Variants in PRR23C observed in about 807,000 individuals in gnomAD.
PRR23C encodes proline rich 23C, also known as proline-rich protein 23C.
Under a neutral mutation model 0.1 loss-of-function variants are expected in PRR23C, and 1 was observed. The ratio of observed to expected loss-of-function variants is 6.80; its 90% CI spans 2.41 to 32.24. The LOEUF is 32.24. PRR23C is among the 30% of genes most tolerant of loss of function. The pLI, the probability that PRR23C is intolerant of heterozygous loss-of-function variation, is 0.11. For missense variants in PRR23C, 361 were observed against 370.4 expected (o/e 0.97, Z 0.21); for synonymous variants, 172 against 168.1 (o/e 1.02, Z -0.18).
Position 139,044,049 on chromosome 3 carries a change from T to C in PRR23C, c.572A>G (p.Glu191Gly), listed in dbSNP as rs748448340. The C allele has an allele frequency of 1.2e-6, 2 of 1,613,482 alleles. No homozygotes were observed. Among genetic ancestry groups the C allele is most frequent in the South Asian group, 1.1e-5 (1 of 90,960 alleles). The change falls in exon 1 of 1, where the codon GAG becomes GGG. Residue 191 changes from glutamate (E) to glycine (G), a missense_variant. Coordinates refer to ENST00000413199, the MANE Select transcript of PRR23C (RefSeq NM_001134657.1). This position sits in a 1 kb window ranked among gnomAD's most constrained non-coding sequence, Gnocchi z 7.5. ...AGCACAGGGCCCTCGGATGGGGCCC[T>C]CCCGGTAGGGGCTGAACATACTTCT... ...SARSMFSPYREGPIRGPCALA... is the reference protein window; with the variant it reads ...SARSMFSPYRGGPIRGPCALA...
rs1472959838 is a variant in PRR23C at position 139,044,177 on chromosome 3, G to C, written c.444C>G (p.Ile148Met). 1.2e-6 allele frequency: 2 copies of C among 1,613,286 alleles called. No individual in the cohort carries two copies. The highest frequency in any genetic ancestry group is 1.1e-5 in the South Asian group (1 of 90,864). ...CCTCGTAGGCCTCTTCCTCGGCAGC[G>C]ATCTCTGGGACAGATGCGCAGACTT... ...EQEVCASVPE[I>M]AAEEEAYEED... Residue 148 changes from isoleucine (I) to methionine (M), a missense_variant, in exon 1 of 1, where the codon ATC becomes ATG. Transcript: ENST00000413199. The surrounding 1 kb of genome is among the most constrained non-coding windows in gnomAD (Gnocchi z 7.5).
rs547592053 is a variant in PRR23C, at chr3:139,044,547, G to A, written c.74C>T (p.Pro25Leu). Reference protein sequence around the residue: ...WWGQQPGGPGPAKRSRLEEPA... With the variant: ...WWGQQPGGPGLAKRSRLEEPA... ...CTCCTCCAATCGGCTGCGCTTGGCA[G>A]GGCCTGGTCCTCCTGGCTGCTGTCC... The change falls in exon 1 of 1, where the codon CCT becomes CTT. Residue 25 changes from proline (P) to leucine (L), a missense_variant. Transcript: ENST00000413199. The surrounding 1 kb of genome is among the most constrained non-coding windows in gnomAD (Gnocchi z 7.5). The A allele has an allele frequency of 8.4e-6, 13 of 1,543,382 alleles. No individual in the cohort carries two copies. In the South Asian group the frequency reaches 1.2e-4, roughly 14 times the overall value.
rs1296481186 is a variant in PRR23C, at chr3:139,043,499, G to A, written c.*333C>T. On this transcript the variant is annotated 3_prime_UTR_variant, in exon 1 of 1. Coordinates refer to ENST00000413199, the MANE Select transcript of PRR23C (RefSeq NM_001134657.1). The stretch of plus-strand genomic sequence containing the variant: ...GGAAAGGGCGGATTTTTAGAGAAAT[G>A]TGCTGGAACTGAGGTTCAAAGCAAA... 1 of 203,508 alleles carries A rather than the reference G, an allele frequency of 4.9e-6. No homozygotes were observed. The highest frequency in any genetic ancestry group is 9.9e-6 in the Non-Finnish European group (1 of 100,972). The allele number at this position is 203,508 out of a possible 1,614,324, so 12.6% of individuals were successfully genotyped here.
In PRR23C at chr3:139,043,696, G is replaced by A. The variant is rs1015143552; in HGVS notation, c.*136C>T. The A allele has an allele frequency of 6.3e-6, 5 of 793,140 alleles. No individual in the cohort carries two copies. The highest frequency in any genetic ancestry group is 6.6e-5 in the Admixed American group (2 of 30,134). 49.1% of individuals were successfully genotyped at this position (793,140 alleles called of 1,614,324 possible). A position where few individuals can be genotyped will look rare whatever the true frequency, so the allele number is the denominator to read the frequency against. Reference sequence around the variant, plus strand: ...AGCCACTGATCCAGAATTCTGCAACGCAGCCTGTATCAAAAAAGCATCTAT... The same window carrying A: ...AGCCACTGATCCAGAATTCTGCAACACAGCCTGTATCAAAAAAGCATCTAT... On this transcript the variant is annotated 3_prime_UTR_variant, in exon 1 of 1. Transcript: ENST00000413199.
Position 139,044,386 on chromosome 3 carries a change from C to A in PRR23C, c.235G>T (p.Val79Leu). 1.9e-6 allele frequency: 3 copies of A among 1,581,804 alleles called. No individual in the cohort carries two copies. The highest frequency in any genetic ancestry group is 2.6e-6 in the Non-Finnish European group (3 of 1,164,576). Residue 79 changes from valine (V) to leucine (L), a missense_variant, in exon 1 of 1, where the codon GTG becomes TTG. By Grantham distance (32) the Val-to-Leu change is conservative. Transcript: ENST00000413199. This position sits in a 1 kb window ranked among gnomAD's most constrained non-coding sequence, Gnocchi z 7.5. ...LRVPLEDVDL[V>L]LELAPMSVLR... ...ACCGACATTGGCGCGAGCTCCAGCA[C>A]CAGGTCGACGTCCTCCAGGGGCACA...
Position 139,044,703 on chromosome 3 carries a change from T to C in PRR23C, c.-83A>G. 1 of 1,386,998 alleles carries C rather than the reference T, an allele frequency of 7.2e-7. No homozygotes were observed. The highest frequency in any genetic ancestry group is 9.4e-7 in the Non-Finnish European group (1 of 1,064,068). 85.9% of individuals were successfully genotyped at this position (1,386,998 alleles called of 1,614,324 possible). A position where few individuals can be genotyped will look rare whatever the true frequency, so the allele number is the denominator to read the frequency against. On this transcript the variant is annotated 5_prime_UTR_variant, in exon 1 of 1. Transcript: ENST00000413199. The surrounding 1 kb of genome is among the most constrained non-coding windows in gnomAD (Gnocchi z 7.5). ...GGGCTCGGGGCGGCGAAGTCCTCTT[T>C]GAGGTAACAGGTGTCGGCAGGACCG...
Position 139,044,020 on chromosome 3 carries a change from C to A in PRR23C, c.601G>T (p.Ala201Ser), listed in dbSNP as rs745956864. The A allele has an allele frequency of 6.2e-7, 1 of 1,613,184 alleles. No individual in the cohort carries two copies. ...EGPIRGPCAL[A>S]PNPSSERRSP... ...CGTCTCTCTGAACTGGGGTTGGGGG[C>A]CAGAGCACAGGGCCCTCGGATGGGG... Residue 201 changes from alanine to serine, a missense_variant, in exon 1 of 1, where the codon GCC becomes TCC. Physicochemically the swap from Ala to Ser is moderately conservative, Grantham distance 99. Transcript: ENST00000413199. The surrounding 1 kb of genome is among the most constrained non-coding windows in gnomAD (Gnocchi z 7.5).
Position 139,044,059 on chromosome 3 carries a change from G to A in PRR23C, c.562C>T (p.Pro188Ser), listed in dbSNP as rs767099163. ...LYPSARSMFSPYREGPIRGPC... is the reference protein window; with the variant it reads ...LYPSARSMFSSYREGPIRGPC... ...CCTCGGATGGGGCCCTCCCGGTAGG[G>A]GCTGAACATACTTCTAGCGGAGGGG... The change falls in exon 1 of 1, where the codon CCC (proline) becomes TCC (serine). Residue 188 changes from proline (P) to serine (S), a missense_variant. Physicochemically the swap from Pro to Ser is moderately conservative, Grantham distance 74. Coordinates refer to ENST00000413199, the MANE Select transcript of PRR23C (RefSeq NM_001134657.1). This position sits in a 1 kb window ranked among gnomAD's most constrained non-coding sequence, Gnocchi z 7.5. 1.1e-5 allele frequency: 17 copies of A among 1,613,552 alleles called. No individual in the cohort carries two copies. The South Asian group carries it at 1.8e-4, about 17-fold the overall frequency.
rs1937181799 is a variant in PRR23C at position 139,044,530 on chromosome 3, A to G, written c.91T>C (p.Leu31=). The change falls in exon 1 of 1, where the codon TTG becomes CTG. Residue 31 remains leucine, a synonymous_variant. Coordinates refer to ENST00000413199, the MANE Select transcript of PRR23C (RefSeq NM_001134657.1). The surrounding 1 kb of genome is among the most constrained non-coding windows in gnomAD (Gnocchi z 7.5). The part of the protein sequence containing the change: ...GGPGPAKRSR[L]EEPAGPESRA... ...GATTCGGGGCCCGCGGGCTCCTCCAATCGGCTGCGCTTGGCAGGGCCTGGT... is the reference window on the plus strand; with the variant it reads ...GATTCGGGGCCCGCGGGCTCCTCCAGTCGGCTGCGCTTGGCAGGGCCTGGT... 6.5e-7 allele frequency: 1 copy of G among 1,544,846 alleles called. No homozygotes were observed. The highest frequency in any genetic ancestry group is 8.7e-7 in the Non-Finnish European group (1 of 1,145,918).
In PRR23C at chr3:139,043,426, T is replaced by C. The variant is rs1234066271; in HGVS notation, c.*406A>G. 1 of 163,466 alleles carries C rather than the reference T, an allele frequency of 6.1e-6. No homozygotes were observed. Among genetic ancestry groups the C allele is most frequent in the Non-Finnish European group, 1.3e-5 (1 of 74,974 alleles). The allele number at this position is 163,466 out of a possible 1,614,324, so 10.1% of individuals were successfully genotyped here. On this transcript the variant is annotated 3_prime_UTR_variant, in exon 1 of 1. Transcript: ENST00000413199. The stretch of plus-strand genomic sequence containing the variant: ...GCCAAAACCCATTAAACAAAATAAA[T>C]GTAGTAAATTAACTTGGGAGAAAAG...
At position 139,044,681 on chromosome 3, in the gene PRR23C, C is replaced by G; in HGVS notation, c.-61G>C. ...TGGCAGGGGACGTGGGTGCGGGGGG[C>G]TCGGGGCGGCGAAGTCCTCTTTGAG... On this transcript the variant is annotated 5_prime_UTR_variant, in exon 1 of 1. Transcript: ENST00000413199. The surrounding 1 kb of genome is among the most constrained non-coding windows in gnomAD (Gnocchi z 7.5). 7.0e-7 allele frequency: 1 copy of G among 1,422,770 alleles called. No homozygotes were observed. Among genetic ancestry groups the G allele is most frequent in the South Asian group, 1.5e-5 (1 of 65,790 alleles). The allele number at this position is 1,422,770 out of a possible 1,614,324, so 88.1% of individuals were successfully genotyped here.
Position 139,043,903 on chromosome 3 carries a change from C to T in PRR23C, c.718G>A (p.Gly240Ser), listed in dbSNP as rs1292651718. 8 of 1,589,892 alleles carry T rather than the reference C, an allele frequency of 5.0e-6. No individual in the cohort carries two copies. The East Asian group carries it at 1.6e-4, about 32-fold the overall frequency. The change falls in exon 1 of 1, where the codon GGT (glycine) becomes AGT (serine). Residue 240 changes from glycine (G) to serine (S), a missense_variant. Physicochemically the swap from Gly to Ser is moderately conservative, Grantham distance 56. Coordinates refer to ENST00000413199, the MANE Select transcript of PRR23C (RefSeq NM_001134657.1). ...GGGAGCTCCGGGCGCGCGTGGGGAC[C>T]TGGACTCGGAGAGGGAGGTAGAGGT... Reference protein sequence around the residue: ...LQPLPPSPSPGPHARPELPER... With the variant: ...LQPLPPSPSPSPHARPELPER...
In PRR23C at chr3:139,044,536, T is replaced by G. The variant is rs2107776106; in HGVS notation, c.85A>C (p.Ser29Arg). The change falls in exon 1 of 1, where the codon AGC (serine) becomes CGC (arginine). Residue 29 changes from serine to arginine, a missense_variant. By Grantham distance (110) the Ser-to-Arg change is moderately radical. Coordinates refer to ENST00000413199, the MANE Select transcript of PRR23C (RefSeq NM_001134657.1). This position sits in a 1 kb window ranked among gnomAD's most constrained non-coding sequence, Gnocchi z 7.5. The part of the protein sequence containing the change: ...QPGGPGPAKR[S>R]RLEEPAGPES... ...GGGCCCGCGGGCTCCTCCAATCGGCTGCGCTTGGCAGGGCCTGGTCCTCCT... is the reference window on the plus strand; with the variant it reads ...GGGCCCGCGGGCTCCTCCAATCGGCGGCGCTTGGCAGGGCCTGGTCCTCCT... 6.5e-7 allele frequency: 1 copy of G among 1,544,612 alleles called. No individual in the cohort carries two copies. Among genetic ancestry groups the G allele is most frequent in the South Asian group, 1.2e-5 (1 of 83,826 alleles).
At position 139,044,556 on chromosome 3, in the gene PRR23C, C is replaced by T; in HGVS notation, c.65G>A (p.Gly22Glu). Residue 22 changes from glycine to glutamate, a missense_variant, in exon 1 of 1, where the codon GGA becomes GAA. Gly to Glu is a moderately conservative substitution (Grantham distance 98, BLOSUM62 -2). Coordinates refer to ENST00000413199, the MANE Select transcript of PRR23C (RefSeq NM_001134657.1). The surrounding 1 kb of genome is among the most constrained non-coding windows in gnomAD (Gnocchi z 7.5). ...TCGGCTGCGCTTGGCAGGGCCTGGTCCTCCTGGCTGCTGTCCCCACCAGGG... is the reference window on the plus strand; with the variant it reads ...TCGGCTGCGCTTGGCAGGGCCTGGTTCTCCTGGCTGCTGTCCCCACCAGGG... ...LAPWWGQQPG[G>E]PGPAKRSRLE... The T allele has an allele frequency of 1.3e-6, 2 of 1,542,098 alleles. No homozygotes were observed. Among genetic ancestry groups the T allele is most frequent in the Non-Finnish European group, 1.7e-6 (2 of 1,146,054 alleles).
At position 139,044,637 on chromosome 3, in the gene PRR23C, C is replaced by T. The variant is rs1056207009; in HGVS notation, c.-17G>A. On this transcript the variant is annotated 5_prime_UTR_variant, in exon 1 of 1. Coordinates refer to ENST00000413199, the MANE Select transcript of PRR23C (RefSeq NM_001134657.1). This position sits in a 1 kb window ranked among gnomAD's most constrained non-coding sequence, Gnocchi z 7.5. ...GCTGCCCATCACCTCGACGGCGCTGCGGACGGCGCTCCTGGGCCTGGCAGG... is the reference window on the plus strand; with the variant it reads ...GCTGCCCATCACCTCGACGGCGCTGTGGACGGCGCTCCTGGGCCTGGCAGG... 1.5e-5 allele frequency: 22 copies of T among 1,477,786 alleles called. No individual in the cohort carries two copies. The highest frequency in any genetic ancestry group is 1.3e-4 in the Admixed American group (5 of 38,688). The allele number at this position is 1,477,786 out of a possible 1,614,324, so 91.5% of individuals were successfully genotyped here.
Position 139,044,052 on chromosome 3 carries a change from C to T in PRR23C, c.569G>A (p.Arg190Gln), listed in dbSNP as rs770218986. The change falls in exon 1 of 1, where the codon CGG becomes CAG. Residue 190 changes from arginine (R) to glutamine (Q), a missense_variant. Transcript: ENST00000413199. The surrounding 1 kb of genome is among the most constrained non-coding windows in gnomAD (Gnocchi z 7.5). The part of the protein sequence containing the change: ...PSARSMFSPY[R>Q]EGPIRGPCAL... ...ACAGGGCCCTCGGATGGGGCCCTCCCGGTAGGGGCTGAACATACTTCTAGC... is the reference window on the plus strand; with the variant it reads ...ACAGGGCCCTCGGATGGGGCCCTCCTGGTAGGGGCTGAACATACTTCTAGC... 4.3e-6 allele frequency: 7 copies of T among 1,613,532 alleles called. No homozygotes were observed. Among genetic ancestry groups the T allele is most frequent in the South Asian group, 1.1e-5 (1 of 90,954 alleles).
chr3:139,043,761 A>C lies in PRR23C; in HGVS notation c.*71T>G. On this transcript the variant is annotated 3_prime_UTR_variant, in exon 1 of 1. Coordinates refer to ENST00000413199, the MANE Select transcript of PRR23C (RefSeq NM_001134657.1). ...CCGAGATCCTTGTAGGTTGCGCAAC[A>C]TACACACAACGGCTATCAGGAGACG... 7.4e-7 allele frequency: 1 copy of C among 1,359,320 alleles called. No homozygotes were observed. Among genetic ancestry groups the C allele is most frequent in the South Asian group, 1.5e-5 (1 of 66,154 alleles). The allele number at this position is 1,359,320 out of a possible 1,614,324, so 84.2% of individuals were successfully genotyped here.
At position 139,043,237 on chromosome 3, in the gene PRR23C, A is replaced by G. The variant is rs1287327819; in HGVS notation, c.*595T>C. 6.6e-6 allele frequency: 1 copy of G among 152,224 alleles called. No individual in the cohort carries two copies. The highest frequency in any genetic ancestry group is 1.5e-5 in the Non-Finnish European group (1 of 68,050). The allele number at this position is 152,224 out of a possible 1,614,324, so 9.4% of individuals were successfully genotyped here. A position where few individuals can be genotyped will look rare whatever the true frequency, so the allele number is the denominator to read the frequency against. On this transcript the variant is annotated 3_prime_UTR_variant, in exon 1 of 1. Transcript: ENST00000413199. ...AAACAATTTGCTAAACCAATCATGA[A>G]AAAAAGGAGGGTACATGATCATTAT... is the stretch of plus-strand genomic sequence containing the variant.
At position 139,042,431 on chromosome 3, in the gene PRR23C, A is replaced by C. The variant is rs1031390049; in HGVS notation, c.*1401T>G. On this transcript the variant is annotated 3_prime_UTR_variant, in exon 1 of 1. Coordinates refer to ENST00000413199, the MANE Select transcript of PRR23C (RefSeq NM_001134657.1). ...AAATTCAACAGTTTTTCATGATCTG[A>C]AAGACTGAAAATTAACTGCTTCAAT... The C allele has an allele frequency of 1.3e-5, 2 of 152,206 alleles. No individual in the cohort carries two copies. Among genetic ancestry groups the C allele is most frequent in the African/African-American group, 4.8e-5 (2 of 41,460 alleles). 9.4% of individuals were successfully genotyped at this position (152,206 alleles called of 1,614,324 possible). A position where few individuals can be genotyped will look rare whatever the true frequency, so the allele number is the denominator to read the frequency against.
Sources: allele counts gnomAD v4.1 joint callset, GRCh38; gene constraint gnomAD v4.1.1; non-coding constraint Gnocchi (gnomAD v3.1); transcripts MANE v1.5; gene names NCBI Gene and HGNC (gene_info 2026-07-23, HGNC 2026-07-21).